GLYATL3: variants seen among roughly 807,000 people sequenced by gnomAD.
The protein encoded by GLYATL3 is glycine N-acyltransferase-like protein 3.
Under a neutral mutation model 28.5 loss-of-function variants are expected in GLYATL3, and 31 were observed. That is an observed-to-expected ratio of 1.09 (90% confidence interval 0.82 to 1.47). The LOEUF is 1.47. Ranked by LOEUF, GLYATL3 falls within the 40% of genes most tolerant of loss-of-function variation. The pLI, the probability that GLYATL3 is intolerant of heterozygous loss-of-function variation, is 0.00. For synonymous variants in GLYATL3, 141 were observed against 140.2 expected (o/e 1.01, Z -0.04); for missense variants, 369 against 351.5 (o/e 1.05, Z -0.40).
chr6:49,512,076 A>C lies in GLYATL3; in HGVS notation c.78+8A>C. 1 of 1,092,296 alleles carries C rather than the reference A, an allele frequency of 9.2e-7. No homozygotes were observed. Among genetic ancestry groups the C allele is most frequent in the Non-Finnish European group, 1.3e-6 (1 of 745,758 alleles). 67.7% of individuals were successfully genotyped at this position (1,092,296 alleles called of 1,614,324 possible). A position where few individuals can be genotyped will look rare whatever the true frequency, so the allele number is the denominator to read the frequency against. ...TTTCCTGAATCACTCAAGGTACCAT[A>C]AAATTAATAATTTTATTTTATTTCT... On this transcript the variant is annotated splice_region_variant and intron_variant, in intron 2 of 5. Transcript: ENST00000371197.
rs558931837 is a variant in GLYATL3, at chr6:49,527,292, T to C, written c.*378T>C. On this transcript the variant is annotated 3_prime_UTR_variant, in exon 6 of 6. Transcript: ENST00000371197. ...GATTGCTGCTTGGACCTCTGCTCTG[T>C]ATTCTTAAAGCCACACCGCTTCCCT... 1.3e-5 allele frequency among the ~76,000 whole-genome samples: 2 copies of C among 152,320 alleles called. No individual in the cohort carries two copies. Among genetic ancestry groups the C allele is most frequent in the African/African-American group, 4.8e-5 (2 of 41,568 alleles).
chr6:49,501,187 G>C (rs1221238208), intron 1 of GLYATL3, among the ~76,000 whole-genome samples: 1 of 152,122 alleles, frequency 6.6e-6, no homozygotes, highest in Non-Finnish European at 1.5e-5. Context: ...ATCACATGAG[G>C]TCAGGAGTTT....
intron 1 of GLYATL3, among the ~76,000 whole-genome samples, chr6:49,502,189 G>T (rs2127430500): frequency 6.6e-6 from 1 of 152,262 alleles, no homozygotes; most frequent in African/African-American, 2.4e-5. Flanking sequence ...ATCATGATTG[G>T]ATTGAAGAAT....
At chr6:49,514,973 A>G (rs1210994013) in intron 2 of GLYATL3, among the ~76,000 whole-genome samples, 1 of 152,178 alleles carries the variant, frequency 6.6e-6, no homozygotes, top group Non-Finnish European at 1.5e-5. Flanking sequence ...GGCCACAGAA[A>G]GAATTATAAT....
chr6:49,509,842 T>C (rs1241514009), intron 1 of GLYATL3, among the ~76,000 whole-genome samples: 2 of 152,174 alleles, frequency 1.3e-5, no homozygotes, highest in African/African-American at 4.8e-5. Context: ...ACTTTGCATA[T>C]TAACCTCACT....
chr6:49,507,905 T>C (rs1477610896), intron 1 of GLYATL3, among the ~76,000 whole-genome samples: 1 of 152,196 alleles, frequency 6.6e-6, no homozygotes, highest in African/African-American at 2.4e-5. Context: ...GAATTTAGGG[T>C]CATTTGATTA....
chr6:49,501,405 G>A (rs1768911411), intron 1 of GLYATL3, among the ~76,000 whole-genome samples: 1 of 152,238 alleles, frequency 6.6e-6, no homozygotes, highest in African/African-American at 2.4e-5. Flanking sequence ...TGCCGCCAAT[G>A]CACTGACTAT....
chr6:49,520,338 C>T (rs1411825962), intron 4 of GLYATL3, among the ~76,000 whole-genome samples: 2 of 152,110 alleles, frequency 1.3e-5, no homozygotes, highest in Non-Finnish European at 2.9e-5. Context: ...TAGGCACTGC[C>T]TCCTTTTTTC....
chr6:49,515,518 A>C, intron 2 of GLYATL3, 135 bp from the exon 3 acceptor site: 1 of 549,132 alleles, frequency 1.8e-6, no homozygotes, highest in Non-Finnish European at 3.3e-6. Flanking sequence ...TATGTGTCTG[A>C]ATGTATGTAT....
At chr6:49,514,977 T>A (rs552063100) in intron 2 of GLYATL3, among the ~76,000 whole-genome samples, 1 of 152,076 alleles carries the variant, frequency 6.6e-6, no homozygotes, top group East Asian at 1.9e-4. Context: ...ACAGAAAGAA[T>A]TATAATATTA....
chr6:49,521,801 C>T (rs1769321548), intron 5 of GLYATL3, 30 bp downstream of exon 5: 2 of 1,543,110 alleles, frequency 1.3e-6, no homozygotes, highest in African/African-American at 1.4e-5. Context: ...GCATTTGGGG[C>T]AGGACTTACT....
Position 49,513,312 on chromosome 6 carries a change from T to C in GLYATL3, c.78+1244T>C, listed in dbSNP as rs540249080. Among the ~76,000 whole-genome samples the C allele has an allele frequency of 9.9e-5, 15 of 152,208 alleles. No homozygotes were observed. The East Asian group carries it at 2.3e-3, about 24-fold the overall frequency. ...GTTCTCATCTCATTCCCCCAGCACA[T>C]TGATATCCTTCTAGCCACACCCCCT... On this transcript the variant is annotated intron_variant, in intron 2 of 5. Coordinates refer to ENST00000371197, the MANE Select transcript of GLYATL3 (RefSeq NM_001010904.2).
chr6:49,506,605 A>G (rs1409838971), intron 1 of GLYATL3, among the ~76,000 whole-genome samples: 2 of 152,124 alleles, frequency 1.3e-5, no homozygotes. Flanking sequence ...TAATGCCCCC[A>G]TAGGTTTAAT....
intron 5 of GLYATL3, among the ~76,000 whole-genome samples, chr6:49,522,554 A>G (rs1769335472): frequency 1.3e-5 from 2 of 152,184 alleles, no homozygotes; most frequent in Admixed American, 1.3e-4. Context: ...GTCTTGATAA[A>G]TGTATATACT....
chr6:49,512,098 T>G, intron 2 of GLYATL3, 30 bp downstream of exon 2: 1 of 981,388 alleles, frequency 1.0e-6, no homozygotes. Flanking sequence ...TTTATTTTAT[T>G]TCTTTATTGT....
chr6:49,516,366 CA>C (rs1769215229), intron 3 of GLYATL3, among the ~76,000 whole-genome samples: 1 of 152,036 alleles, frequency 6.6e-6, no homozygotes, highest in Non-Finnish European at 1.5e-5. Flanking sequence ...GGATGAAGCA[CA>C]AATGGCTGAC....
In GLYATL3 at chr6:49,527,458, C is replaced by CTA. The variant is rs1176352042; in HGVS notation, c.*547_*548dup. On this transcript the variant is annotated 3_prime_UTR_variant, in exon 6 of 6. Transcript: ENST00000371197. ...CTTTACTTCTGCCTAGGACTCTAGC[C>CTA]TATAGTTCACTGCCCTGGGAATGTT... Among the ~76,000 whole-genome samples the CTA allele has an allele frequency of 3.3e-5, 5 of 152,152 alleles. No homozygotes were observed. Among genetic ancestry groups the CTA allele is most frequent in the Non-Finnish European group, 7.3e-5 (5 of 68,032 alleles).
intron 4 of GLYATL3, among the ~76,000 whole-genome samples, chr6:49,519,080 T>C (rs1769269683): frequency 1.3e-5 from 2 of 152,286 alleles, no homozygotes; most frequent in East Asian, 1.9e-4. Context: ...CCACAGCCAA[T>C]TTAGAAAAAA....
At chr6:49,521,816 T>C (rs1274551992) in intron 5 of GLYATL3, 45 bp downstream of exon 5, 1 of 1,513,794 alleles carries the variant, frequency 6.6e-7, no homozygotes, top group Admixed American at 2.0e-5. Flanking sequence ...CTTACTGCTA[T>C]AGAAGTACAC....
Sources: gnomAD v4.1 joint callset for allele counts (sites outside exome capture counted in the v4.1 genomes callset) on GRCh38, gnomAD v4.1.1 for gene constraint, MANE v1.5 for transcripts, NCBI Gene and HGNC (gene_info 2026-07-23, HGNC 2026-07-21) for gene names.